SYNE3: variants seen among roughly 807,000 people sequenced by gnomAD.
The protein encoded by SYNE3 is spectrin repeat containing nuclear envelope family member 3, also known as nesprin-3.
Under a neutral mutation model 111.2 loss-of-function variants are expected in SYNE3, and 100 were observed. The ratio of observed to expected loss-of-function variants is 0.90; its 90% confidence interval spans 0.77 to 1.06. The LOEUF (loss-of-function observed/expected upper bound fraction) is 1.06, where lower values mean the gene tolerates loss of function less well. Ranked by LOEUF, SYNE3 falls within the 50% of genes least tolerant of loss-of-function variation. The probability of loss-of-function intolerance (pLI) is 0.00; values close to 1 mark genes in which losing one functional copy is unlikely to be tolerated. For missense variants in SYNE3, 1,160 were observed against 1,240.3 expected, an observed-to-expected ratio of 0.94 and a Z score of 0.97; for synonymous variants, 547 against 533.9, an observed-to-expected ratio of 1.02 and a Z score of -0.34.
At chr14:95,448,726 C>T (rs1886868979) in intron 8 of SYNE3, among the ~76,000 whole-genome samples, 1 of 152,268 alleles carries the variant, frequency 6.6e-6, no homozygotes, top group Admixed American at 6.5e-5. Flanking sequence ...AAATTATTGT[C>T]CCAATGTAAG....
At chr14:95,464,599 T>C (rs1279472732) in intron 4 of SYNE3, among the ~76,000 whole-genome samples, 2 of 152,152 alleles carry the variant, frequency 1.3e-5, no homozygotes, top group African/African-American at 4.8e-5. Flanking sequence ...GGGGTTCACG[T>C]TTAGAATATC....
intron 1 of SYNE3, among the ~76,000 whole-genome samples, chr14:95,497,001 G>A (rs17756362): frequency 0.081 from 12,338 of 152,240 alleles, 564 homozygotes; most frequent in Non-Finnish European, 0.084. Context: ...TCTTTTCAGG[G>A]CCATTTTAAA....
intron 17 of SYNE3, among the ~76,000 whole-genome samples, chr14:95,427,066 G>A (rs1475747371): frequency 2.6e-5 from 4 of 151,388 alleles, no homozygotes; most frequent in Admixed American, 1.3e-4. Flanking sequence ...AATAATCCTC[G>A]CTCTATAATC....
intron 1 of SYNE3, among the ~76,000 whole-genome samples, chr14:95,478,483 TC>T (rs1250691388): frequency 6.6e-6 from 1 of 152,114 alleles, no homozygotes; most frequent in Non-Finnish European, 1.5e-5. Flanking sequence ...CTCTGGGTCC[TC>T]CCTTTTTCTG....
chr14:95,425,085 C>CA (rs1214181137), intron 17 of SYNE3, among the ~76,000 whole-genome samples: 2 of 151,814 alleles, frequency 1.3e-5, no homozygotes, highest in African/African-American at 2.4e-5. Context: ...ACTAAAAATA[C>CA]AAAAAAACAA....
intron 2 of SYNE3, among the ~76,000 whole-genome samples, chr14:95,469,926 C>T (rs1888423840): frequency 6.6e-6 from 1 of 152,132 alleles, no homozygotes; most frequent in African/African-American, 2.4e-5. Context: ...AGAAGGACTT[C>T]CCCTCCTACC....
At position 95,439,082 on chromosome 14, in the gene SYNE3, G is replaced by A. The variant is rs550965393; in HGVS notation, c.2327C>T (p.Ser776Leu). The change falls in exon 14 of 18, where the codon TCA becomes TTA. Residue 776 changes from serine (S) to leucine (L), a missense_variant. Ser to Leu is a moderately radical substitution (Grantham distance 145). Transcript: ENST00000682763. ...KMVFTNNIPK[S>L]GFLINPMDPI... is the part of the protein sequence containing the mutation. The stretch of plus-strand genomic sequence containing the variant: ...ATCCATGGGATTGATGAGAAATCCT[G>A]ACTTTGGGATGTTGTTGGTGAAAAC... The A allele has an allele frequency of 6.2e-7, 1 of 1,614,254 alleles. No individual in the cohort carries two copies. The highest frequency in any genetic ancestry group is 8.5e-7 in the Non-Finnish European group (1 of 1,180,042).
At chr14:95,449,841 A>G in intron 8 of SYNE3, 90 bp downstream of exon 8, 1 of 1,490,382 alleles carries the variant, frequency 6.7e-7, no homozygotes, top group Non-Finnish European at 9.0e-7. Context: ...GAGGACCCGG[A>G]AACGGACCTT....
rs766174219 is a variant in SYNE3 at position 95,457,237 on chromosome 14, C to T, written c.729G>A (p.Val243=). ...TGCAGTTCCGCCCCAGGCAGCCATTCACCTTCTCCACCACCGCCTTCAGCC... is the reference window on the plus strand; with the variant it reads ...TGCAGTTCCGCCCCAGGCAGCCATTTACCTTCTCCACCACCGCCTTCAGCC... ...QLWLKAVVEK[V]NGCLGRNCKL... Residue 243 remains valine (V), a synonymous_variant, in exon 5 of 18, where the codon GTG becomes GTA. Transcript: ENST00000682763. The T allele has an allele frequency of 6.2e-7, 1 of 1,614,170 alleles. No individual in the cohort carries two copies. The highest frequency in any genetic ancestry group is 1.7e-5 in the Admixed American group (1 of 60,028).
intron 1 of SYNE3, among the ~76,000 whole-genome samples, chr14:95,486,232 A>G (rs1418563252): frequency 6.6e-6 from 1 of 151,862 alleles, no homozygotes; most frequent in Non-Finnish European, 1.5e-5. Context: ...ATCACCCCCA[A>G]GAAGATCTGG....
At chr14:95,463,738 G>A (rs4900268) in intron 4 of SYNE3, among the ~76,000 whole-genome samples, 104,180 of 152,234 alleles carry the variant, frequency 0.68, 35,818 homozygotes, top group Admixed American at 0.73. Context: ...CAGTCTCCTG[G>A]AGCCTCCTGT....
At chr14:95,506,725 C>T (rs1468708713) in intron 1 of SYNE3, among the ~76,000 whole-genome samples, 1 of 152,200 alleles carries the variant, frequency 6.6e-6, no homozygotes, top group Non-Finnish European at 1.5e-5. Context: ...TGACCCAGCA[C>T]CTTCTGCTTG....
chr14:95,461,034 A>G (rs1887776393), intron 4 of SYNE3, among the ~76,000 whole-genome samples: 1 of 152,386 alleles, frequency 6.6e-6, no homozygotes, highest in African/African-American at 2.4e-5. Context: ...CGTGCCAGGC[A>G]TAACAGTCAC....
At chr14:95,442,981 G>C (rs1458304921) in intron 11 of SYNE3, among the ~76,000 whole-genome samples, 174 bp downstream of exon 11, 1 of 152,168 alleles carries the variant, frequency 6.6e-6, no homozygotes, top group African/African-American at 2.4e-5. Context: ...CTGGCATATG[G>C]GAGGTGCTCA....
intron 4 of SYNE3, among the ~76,000 whole-genome samples, chr14:95,458,554 A>C (rs996323180): frequency 3.9e-5 from 6 of 152,066 alleles, no homozygotes; most frequent in Non-Finnish European, 7.4e-5. Flanking sequence ...AACCAACTGC[A>C]GTACTAACCC....
chr14:95,449,509 G>A (rs1886926406), intron 8 of SYNE3: 2 of 985,460 alleles, frequency 2.0e-6, no homozygotes, highest in Non-Finnish European at 1.2e-6. Context: ...GAACTACAAA[G>A]GGCTTGGTCC....
intron 6 of SYNE3, among the ~76,000 whole-genome samples, chr14:95,453,497 A>G (rs1887219105): frequency 6.6e-6 from 1 of 152,256 alleles, no homozygotes; most frequent in Non-Finnish European, 1.5e-5. Context: ...GCAGAAGGAC[A>G]CAGAATCTGC....
intron 1 of SYNE3, among the ~76,000 whole-genome samples, chr14:95,495,540 G>C (rs1483995207): frequency 6.6e-6 from 1 of 152,240 alleles, no homozygotes; most frequent in African/African-American, 2.4e-5. Context: ...GCACTGGGCA[G>C]ACACCATGAA....
chr14:95,468,308 T>C (rs1044570630), intron 2 of SYNE3, among the ~76,000 whole-genome samples: 24 of 152,258 alleles, frequency 1.6e-4, no homozygotes, highest in African/African-American at 4.8e-4. Context: ...TAATCGTATC[T>C]ATCTCTCAGA....
Sources: allele counts gnomAD v4.1 joint callset (sites outside exome capture counted in the v4.1 genomes callset), GRCh38; gene constraint gnomAD v4.1.1; transcripts MANE v1.5; gene names NCBI Gene and HGNC (gene_info 2026-07-23, HGNC 2026-07-21).